The following TENM2 variants were observed in gnomAD, a reference collection of about 807,000 sequenced individuals.
The protein encoded by TENM2 is teneurin transmembrane protein 2.
In TENM2, 52 loss-of-function variants were observed where a neutral mutation model predicts 245.2. That is an observed-to-expected ratio of 0.21 (90% CI 0.17 to 0.27). The LOEUF is 0.27. TENM2 is among the 10% of genes least tolerant of loss of function. TENM2 has a pLI of 1.00. For missense variants in TENM2, 3,046 were observed against 3,666.8 expected (o/e 0.83, Z 4.37); for synonymous variants, 1,363 against 1,438.9 (o/e 0.95, Z 1.19).
intron 2 of TENM2, among the ~76,000 whole-genome samples, chr5:167,776,534 G>A (rs922507405): frequency 5.2e-5 from 7 of 133,590 alleles, no homozygotes; most frequent in Non-Finnish European, 9.2e-5. Flanking sequence ...GGTCAAGGCT[G>A]CAGTTAGCCA....
intron 25 of TENM2, among the ~76,000 whole-genome samples, chr5:168,238,369 A>G (rs916970643): frequency 2.6e-5 from 4 of 152,196 alleles, no homozygotes; most frequent in African/African-American, 9.7e-5. Context: ...ACCTCTGGGT[A>G]GGTAAATAAC....
At chr5:168,014,280 C>T (rs1302219391) in intron 5 of TENM2, among the ~76,000 whole-genome samples, 2 of 152,130 alleles carry the variant, frequency 1.3e-5, no homozygotes, top group Non-Finnish European at 2.9e-5. Flanking sequence ...TTCTTACTAC[C>T]ACTACATGGG....
At chr5:168,215,150 C>G in exon 21 of TENM2, 1 of 1,613,876 alleles carries the variant, frequency 6.2e-7, no homozygotes, top group Non-Finnish European at 8.5e-7. Flanking sequence ...CTGAGTGGAA[C>G]CAAAGACCTG....
At chr5:167,107,724 C>T in the TENM2 span, among the ~76,000 whole-genome samples, 2 of 152,184 alleles carry the variant, frequency 1.3e-5, no homozygotes, top group Non-Finnish European at 2.9e-5. Flanking sequence ...GATATTATCA[C>T]TTACATATTC....
At chr5:167,133,639 A>G in the TENM2 span, among the ~76,000 whole-genome samples, 3 of 151,436 alleles carry the variant, frequency 2.0e-5, no homozygotes, top group African/African-American at 7.3e-5. Flanking sequence ...AAAAAAGCAA[A>G]AAAGAATGGG....
At chr5:167,371,885 T>C (rs946186320) in intron 1 of TENM2, among the ~76,000 whole-genome samples, 1 of 152,200 alleles carries the variant, frequency 6.6e-6, no homozygotes, top group Non-Finnish European at 1.5e-5. Context: ...CTCCTGAGTA[T>C]ATGGCTCACC....
chr5:168,256,331 A>G (rs1767656370), intron 27 of TENM2, among the ~76,000 whole-genome samples: 1 of 151,958 alleles, frequency 6.6e-6, no homozygotes, highest in African/African-American at 2.4e-5. Context: ...GGTACATAGT[A>G]GATGCTCTGT....
intron 12 of TENM2, 61 bp from the exon 15 acceptor site, chr5:168,162,550 C>A: frequency 6.3e-7 from 1 of 1,577,446 alleles, no homozygotes; most frequent in Non-Finnish European, 8.6e-7. Context: ...TGCATGGCTC[C>A]CCTGCTTCCC....
the TENM2 span, among the ~76,000 whole-genome samples, chr5:167,149,167 C>G: frequency 3.9e-5 from 6 of 152,200 alleles, no homozygotes; most frequent in East Asian, 7.8e-4. Context: ...ATCCCTCCCC[C>G]CTCCACCCAC....
intron 2 of TENM2, among the ~76,000 whole-genome samples, chr5:167,861,679 G>A (rs1363206): frequency 0.079 from 12,085 of 152,216 alleles, 525 homozygotes; most frequent in East Asian, 0.14. Context: ...GCTCAACACT[G>A]TAATTTTATC....
At chr5:167,385,540 C>T (rs1484379976) in intron 2 of TENM2, among the ~76,000 whole-genome samples, 1 of 147,016 alleles carries the variant, frequency 6.8e-6, no homozygotes. Context: ...TATTGGAGAA[C>T]AGGTGGTGTT....
At chr5:167,257,934 A>G in the TENM2 span, among the ~76,000 whole-genome samples, 21 of 152,154 alleles carry the variant, frequency 1.4e-4, no homozygotes, top group African/African-American at 5.1e-4. Context: ...ATACTTTCAC[A>G]TCTCAAAATG....
the TENM2 span, among the ~76,000 whole-genome samples, chr5:167,056,518 ATG>A: frequency 2.1e-5 from 3 of 145,984 alleles, no homozygotes; most frequent in African/African-American, 5.0e-5. Flanking sequence ...TATGTATTTT[ATG>A]TATATATCTA....
At chr5:167,640,238 G>A (rs907163214) in intron 2 of TENM2, among the ~76,000 whole-genome samples, 6 of 152,248 alleles carry the variant, frequency 3.9e-5, no homozygotes, top group South Asian at 2.1e-4. Flanking sequence ...TGGTTATCTC[G>A]TTTCTAATAT....
intron 18 of TENM2, 29 bp downstream of exon 20, chr5:168,203,861 A>G: frequency 1.3e-6 from 2 of 1,574,548 alleles, no homozygotes; most frequent in South Asian, 1.2e-5. Context: ...TTTCCCAAAT[A>G]CAGCCTTGCC....
chr5:167,339,845 C>T (rs562256092), intron 1 of TENM2, among the ~76,000 whole-genome samples: 17 of 152,290 alleles, frequency 1.1e-4, no homozygotes, highest in Middle Eastern at 3.4e-3. Flanking sequence ...GCACAAGCAA[C>T]ACTTCCCTCT....
At chr5:167,855,830 G>A (rs1274206243) in intron 2 of TENM2, among the ~76,000 whole-genome samples, 2 of 33,964 alleles carry the variant, frequency 5.9e-5, no homozygotes, top group Non-Finnish European at 1.9e-4. Flanking sequence ...AGGAAGGGAG[G>A]GAGAGAGGGA....
At chr5:167,819,058 CTGTGTGTG>C (rs145489126) in intron 2 of TENM2, among the ~76,000 whole-genome samples, 4 of 147,592 alleles carry the variant, frequency 2.7e-5, no homozygotes, top group South Asian at 4.3e-4. Flanking sequence ...TGGTGTGTGA[CTGTGTGTG>C]TGTGTGTGTG....
intron 15 of TENM2, among the ~76,000 whole-genome samples, chr5:168,196,825 G>A (rs776499975): frequency 2.0e-5 from 3 of 152,174 alleles, no homozygotes; most frequent in Non-Finnish European, 4.4e-5. Flanking sequence ...AACAACAGAA[G>A]GAGACATTTC....
Sources: gnomAD v4.1 joint callset for allele counts (sites outside exome capture counted in the v4.1 genomes callset) on GRCh38, gnomAD v4.1.1 for gene constraint, MANE v1.5 for transcripts, NCBI Gene and HGNC (gene_info 2026-07-23, HGNC 2026-07-21) for gene names.